Variants in CPS1 observed in about 807,000 individuals in gnomAD.
The protein encoded by CPS1 is carbamoyl-phosphate synthase 1.
A neutral mutation model predicts 174.6 loss-of-function variants in CPS1; 109 were observed. The ratio of observed to expected loss-of-function variants is 0.62; its 90% CI spans 0.53 to 0.73. The LOEUF (loss-of-function observed/expected upper bound fraction) is 0.73. Among genes scored for constraint, CPS1 ranks in the 30% least tolerant of loss-of-function variants. CPS1 has a pLI of 0.00. For synonymous variants in CPS1, 637 were observed against 632.0 expected (o/e 1.01, Z -0.12); for missense variants, 1,689 against 1,821.9 (o/e 0.93, Z 1.33).
intron 10 of CPS1, 23 bp from the exon 11 acceptor site, chr2:210,592,856 C>T: frequency 6.3e-7 from 1 of 1,595,640 alleles, no homozygotes. Flanking sequence ...GAAGGAATTT[C>T]TTCCTGTTTC....
At chr2:210,625,198 G>T (rs1559113485) in intron 21 of CPS1, among the ~76,000 whole-genome samples, 1 of 151,744 alleles carries the variant, frequency 6.6e-6, no homozygotes, top group Non-Finnish European at 1.5e-5. Flanking sequence ...AATGGTATTT[G>T]TTCTTCTATT....
intron 5 of CPS1, among the ~76,000 whole-genome samples, chr2:210,581,696 T>A (rs2106089967): frequency 6.6e-6 from 1 of 152,272 alleles, no homozygotes; most frequent in East Asian, 1.9e-4. Context: ...GGCAGCACTC[T>A]GAATTTAATA....
chr2:210,620,270 C>T (rs1319829584), intron 21 of CPS1, among the ~76,000 whole-genome samples: 1 of 151,960 alleles, frequency 6.6e-6, no homozygotes, highest in Non-Finnish European at 1.5e-5. Flanking sequence ...GAAAACAAAA[C>T]AATGATTGTA....
At chr2:210,520,899 C>G (rs1278967265) in intron 1 of CPS1, among the ~76,000 whole-genome samples, 1 of 151,954 alleles carries the variant, frequency 6.6e-6, no homozygotes, top group East Asian at 1.9e-4. Flanking sequence ...CAAAATAAAG[C>G]TGCTAAGAGC....
At chr2:210,657,395 C>T (rs1700749633) in intron 30 of CPS1, 1 of 151,672 alleles carries the variant, frequency 6.6e-6, no homozygotes, top group Non-Finnish European at 1.5e-5. Context: ...ACTGCAAGCT[C>T]CGCCTTCCGG....
At chr2:210,512,254 C>T (rs999589472) in intron 1 of CPS1, among the ~76,000 whole-genome samples, 1 of 151,882 alleles carries the variant, frequency 6.6e-6, no homozygotes, top group Non-Finnish European at 1.5e-5. Flanking sequence ...AGGTTTGTTA[C>T]ATGGGTATAT....
At position 210,643,562 on chromosome 2, in the gene CPS1, C is replaced by T. The variant is rs545846646; in HGVS notation, c.3141+897C>T. Among the ~76,000 whole-genome samples, 29 of 152,152 alleles carry T rather than the reference C, an allele frequency of 1.9e-4. No individual in the cohort carries two copies. The East Asian group carries it at 4.2e-3, about 22-fold the overall frequency. On this transcript the variant is annotated intron_variant, in intron 25 of 37. Coordinates refer to ENST00000233072, the MANE Select transcript of CPS1 (RefSeq NM_001875.5). ...TGCTTTATCTTTATTTTAAATGAATCGTCTGAGTATAAACACATGCTACTT... is the reference window on the plus strand; with the variant it reads ...TGCTTTATCTTTATTTTAAATGAATTGTCTGAGTATAAACACATGCTACTT...
intron 27 of CPS1, among the ~76,000 whole-genome samples, 180 bp downstream of exon 27, chr2:210,648,720 C>T (rs1261993457): frequency 6.6e-6 from 1 of 152,166 alleles, no homozygotes; most frequent in African/African-American, 2.4e-5. Flanking sequence ...AATGCTTTCC[C>T]TTCAGGGAGT....
intron 1 of CPS1, among the ~76,000 whole-genome samples, chr2:210,514,712 A>G (rs1695627287): frequency 6.7e-6 from 1 of 149,432 alleles, no homozygotes; most frequent in Non-Finnish European, 1.5e-5. Flanking sequence ...TTCTAGTACT[A>G]TGTTGAATTG....
intron 16 of CPS1, among the ~76,000 whole-genome samples, chr2:210,603,763 A>G (rs908580007): frequency 3.3e-5 from 5 of 151,710 alleles, no homozygotes; most frequent in African/African-American, 9.7e-5. Flanking sequence ...TTTCTTGTTG[A>G]AAAAAACCCT....
intron 13 of CPS1, 59 bp from the exon 14 acceptor site, chr2:210,599,313 G>A: frequency 3.3e-6 from 5 of 1,503,032 alleles, no homozygotes; most frequent in Non-Finnish European, 4.6e-6. Flanking sequence ...TTATTTAAGT[G>A]TGGTCATTCT....
chr2:210,510,814 A>G (rs535309916), intron 1 of CPS1, among the ~76,000 whole-genome samples: 2 of 152,368 alleles, frequency 1.3e-5, no homozygotes, highest in African/African-American at 4.8e-5. Flanking sequence ...AGAAATGCAA[A>G]TCAAAACCAC....
chr2:210,653,052 C>T (rs1307528559), intron 28 of CPS1, among the ~76,000 whole-genome samples: 1 of 152,080 alleles, frequency 6.6e-6, no homozygotes, highest in African/African-American at 2.4e-5. Flanking sequence ...AGTTTGTGTT[C>T]AGAGGCAAAA....
intron 20 of CPS1, among the ~76,000 whole-genome samples, chr2:210,614,261 T>A (rs1479239313): frequency 6.6e-6 from 1 of 151,852 alleles, no homozygotes; most frequent in Non-Finnish European, 1.5e-5. Context: ...TGCTTGCTGT[T>A]GAGAAATCAT....
chr2:210,650,619 A>T (rs1700530857), intron 28 of CPS1, among the ~76,000 whole-genome samples, 181 bp downstream of exon 28: 2 of 152,238 alleles, frequency 1.3e-5, no homozygotes, highest in South Asian at 4.1e-4. Context: ...GTCTCCTAAA[A>T]GAATGAGAAA....
intron 1 of CPS1, among the ~76,000 whole-genome samples, chr2:210,508,446 C>A (rs1404947148): frequency 6.6e-6 from 1 of 151,760 alleles, no homozygotes; most frequent in Non-Finnish European, 1.5e-5. Flanking sequence ...AAAATTGACA[C>A]CCTAACATCA....
At chr2:210,636,322 T>C (rs1700040670) in intron 21 of CPS1, among the ~76,000 whole-genome samples, 1 of 151,794 alleles carries the variant, frequency 6.6e-6, no homozygotes, top group Admixed American at 6.6e-5. Flanking sequence ...TTCTATAAAA[T>C]AAAAACCTAG....
chr2:210,581,783 C>T (rs1215880807), intron 5 of CPS1, among the ~76,000 whole-genome samples: 1 of 152,142 alleles, frequency 6.6e-6, no homozygotes, highest in Non-Finnish European at 1.5e-5. Context: ...GTGACTTCTC[C>T]TTCAAGGAAT....
chr2:210,531,926 C>T (rs1452026247), intron 1 of CPS1, among the ~76,000 whole-genome samples: 2 of 152,068 alleles, frequency 1.3e-5, no homozygotes, highest in Non-Finnish European at 2.9e-5. Flanking sequence ...ATGTATACTT[C>T]CATGTTAAGT....
Sources: allele counts gnomAD v4.1 joint callset (sites outside exome capture counted in the v4.1 genomes callset), GRCh38; gene constraint gnomAD v4.1.1; transcripts MANE v1.5; gene names NCBI Gene and HGNC (gene_info 2026-07-23, HGNC 2026-07-21).